The following DGKB variants were observed in gnomAD, a reference collection of about 807,000 sequenced individuals.
The protein encoded by DGKB is 90 kDa diacylglycerol kinase.
A neutral mutation model predicts 114.3 loss-of-function variants in DGKB; 67 were observed. That is an observed-to-expected ratio of 0.59 (90% CI 0.48 to 0.72). The LOEUF is 0.72. DGKB is among the 30% of genes least tolerant of loss of function. The pLI is 0.00. For synonymous variants in DGKB, 398 were observed against 323.1 expected (o/e 1.23, Z -2.49); for missense variants, 907 against 975.2 (o/e 0.93, Z 0.93).
At chr7:14,441,479 T>A (rs1305088768) in intron 21 of DGKB, among the ~76,000 whole-genome samples, 2 of 152,172 alleles carry the variant, frequency 1.3e-5, no homozygotes, top group African/African-American at 2.4e-5. Context: ...ATTATCAATT[T>A]TGATAAAGTC....
chr7:14,416,978 G>A (rs923598538), intron 21 of DGKB, among the ~76,000 whole-genome samples: 2 of 152,022 alleles, frequency 1.3e-5, no homozygotes, highest in Admixed American at 6.6e-5. Context: ...CTTCCTTAGT[G>A]TAAGCAATCC....
At chr7:14,425,422 A>C (rs1827354102) in intron 21 of DGKB, among the ~76,000 whole-genome samples, 1 of 152,140 alleles carries the variant, frequency 6.6e-6, no homozygotes, top group South Asian at 2.1e-4. Context: ...GTACATATCT[A>C]ATTGAATTTA....
chr7:14,842,945 T>C (rs185398032), intron 1 of DGKB, among the ~76,000 whole-genome samples: 9 of 152,310 alleles, frequency 5.9e-5, no homozygotes, highest in Non-Finnish European at 1.2e-4. Flanking sequence ...AGGTGGCTAA[T>C]GCCTATAATC....
chr7:14,514,749 AG>A (rs1788507590), intron 20 of DGKB, among the ~76,000 whole-genome samples: 1 of 152,128 alleles, frequency 6.6e-6, no homozygotes, highest in African/African-American at 2.4e-5. Flanking sequence ...AGATGCCATT[AG>A]TGTCCCATTT....
chr7:14,289,908 G>A (rs74772074), intron 23 of DGKB, among the ~76,000 whole-genome samples: 220 of 152,244 alleles, frequency 1.4e-3, no homozygotes, highest in Non-Finnish European at 2.4e-3. Context: ...AAAAACAGTA[G>A]CATATTTCTG....
At chr7:14,313,267 G>A (rs968985859) in intron 23 of DGKB, among the ~76,000 whole-genome samples, 1 of 152,086 alleles carries the variant, frequency 6.6e-6, no homozygotes, top group Admixed American at 6.5e-5. Context: ...TTGCGGGGAG[G>A]AGCCAAGATG....
chr7:14,563,651 T>TC (rs1796990919), intron 20 of DGKB, among the ~76,000 whole-genome samples: 1 of 152,070 alleles, frequency 6.6e-6, no homozygotes, highest in South Asian at 2.1e-4. Flanking sequence ...CTGTTTTTTT[T>TC]TTTTTTTTAA....
At chr7:14,785,892 T>C (rs1486766866) in intron 2 of DGKB, among the ~76,000 whole-genome samples, 6 of 147,182 alleles carry the variant, frequency 4.1e-5, no homozygotes, top group Non-Finnish European at 7.4e-5. Context: ...AAGAAGTTTT[T>C]CTTTTTTTTT....
At chr7:14,689,772 A>T (rs939477223) in intron 9 of DGKB, among the ~76,000 whole-genome samples, 1 of 152,184 alleles carries the variant, frequency 6.6e-6, no homozygotes, top group Admixed American at 6.5e-5. Flanking sequence ...TAACCAAATT[A>T]AAAACTTTTA....
At chr7:14,693,885 T>C (rs369698499) in intron 9 of DGKB, among the ~76,000 whole-genome samples, 190 bp downstream of exon 9, 1 of 152,116 alleles carries the variant, frequency 6.6e-6, no homozygotes, top group Admixed American at 6.5e-5. Flanking sequence ...AGTGAATCAA[T>C]ATGTGTGTGG....
At chr7:14,154,557 C>T (rs1475104271) in intron 25 of DGKB, among the ~76,000 whole-genome samples, 1 of 150,556 alleles carries the variant, frequency 6.6e-6, no homozygotes, top group Admixed American at 6.6e-5. Flanking sequence ...TTACCTGGTA[C>T]AAAAAAAGCA....
chr7:14,444,655 ATCAGTCAGAC>A (rs1435734412), intron 21 of DGKB, among the ~76,000 whole-genome samples: 2 of 151,912 alleles, frequency 1.3e-5, no homozygotes, highest in Non-Finnish European at 2.9e-5. Flanking sequence ...AGCCTTTGAT[ATCAGTCAGAC>A]ATTTTTATCC....
intron 13 of DGKB, among the ~76,000 whole-genome samples, chr7:14,640,293 C>A (rs1437318178): frequency 1.3e-5 from 2 of 152,008 alleles, no homozygotes; most frequent in Non-Finnish European, 2.9e-5. Flanking sequence ...AGAATTAAGG[C>A]AGAGAATACT....
intron 23 of DGKB, among the ~76,000 whole-genome samples, chr7:14,276,510 G>A (rs1431064262): frequency 4.0e-5 from 6 of 151,876 alleles, no homozygotes; most frequent in African/African-American, 7.3e-5. Flanking sequence ...GAAAATTTTT[G>A]TTCTGCAATA....
intron 17 of DGKB, among the ~76,000 whole-genome samples, chr7:14,587,324 C>T (rs1261908609): frequency 6.6e-6 from 1 of 151,904 alleles, no homozygotes; most frequent in African/African-American, 2.4e-5. Context: ...GACTGAATTG[C>T]CGCAATCTCA....
chr7:14,905,554 G>A (rs574908688), upstream of DGKB, among the ~76,000 whole-genome samples: 15 of 152,172 alleles, frequency 9.9e-5, no homozygotes, highest in African/African-American at 3.4e-4. Flanking sequence ...AAATGAACTT[G>A]CTCTATACTC....
At chr7:14,839,827 T>A (rs1183417953) in intron 2 of DGKB, among the ~76,000 whole-genome samples, 3 of 152,096 alleles carry the variant, frequency 2.0e-5, no homozygotes, top group Non-Finnish European at 2.9e-5. Flanking sequence ...AGTCATAGAC[T>A]TTTTTTAGTT....
At chr7:14,937,456 G>C (rs1163559662) in intron 1 of DGKB, among the ~76,000 whole-genome samples, 1 of 151,920 alleles carries the variant, frequency 6.6e-6, no homozygotes, top group East Asian at 1.9e-4. Flanking sequence ...GAGACTCCAA[G>C]TTTATTTTTT....
rs911496661 is a variant in DGKB, at chr7:14,585,986, C to T, written c.1434-2849G>A. On this transcript the variant is annotated intron_variant, in intron 17 of 25. Coordinates refer to ENST00000402815, the MANE Select transcript of DGKB (RefSeq NM_001350709.2). The stretch of plus-strand genomic sequence containing the variant: ...CCTCAGGCCTCTTAATTCCCTTAGA[C>T]ACAACAGTATTGAAATTAGGGAAAT... Among the ~76,000 whole-genome samples the T allele has an allele frequency of 3.3e-5, 5 of 152,078 alleles. No individual in the cohort carries two copies. In the East Asian group the frequency reaches 9.6e-4, roughly 29 times the overall value.
Sources: gnomAD v4.1 joint callset for allele counts (sites outside exome capture counted in the v4.1 genomes callset) on GRCh38, gnomAD v4.1.1 for gene constraint, MANE v1.5 for transcripts, NCBI Gene and HGNC (gene_info 2026-07-23, HGNC 2026-07-21) for gene names.